NEDD9: variants seen among roughly 807,000 people sequenced by gnomAD.
NEDD9 encodes the protein enhancer of filamentation 1.
NEDD9 carries 26 observed loss-of-function variants against 76.6 expected under a neutral mutation model. The observed-to-expected ratio is 0.34, with a 90% confidence interval of 0.25 to 0.47. The LOEUF (loss-of-function observed/expected upper bound fraction) is 0.47, where lower values mean the gene tolerates loss of function less well. Ranked by LOEUF, NEDD9 falls within the 20% of genes least tolerant of loss-of-function variation. NEDD9 has a pLI of 1.00. For synonymous variants in NEDD9, 392 were observed against 414.2 expected (o/e 0.95, Z 0.65); for missense variants, 937 against 1,058.5 (o/e 0.89, Z 1.59).
chr6:11,376,951 A>G (rs764741116), intron 1 of NEDD9, among the ~76,000 whole-genome samples: 1 of 152,234 alleles, frequency 6.6e-6, no homozygotes, highest in Non-Finnish European at 1.5e-5. Flanking sequence ...GCCTCAGCTC[A>G]AAGGGGCCCA....
At chr6:11,202,069 G>T (rs553575098) in intron 2 of NEDD9, among the ~76,000 whole-genome samples, 150 of 152,284 alleles carry the variant, frequency 9.9e-4, no homozygotes, top group African/African-American at 3.2e-3. Flanking sequence ...AAGTTAAAAA[G>T]TGTCCCCGTG....
At chr6:11,319,530 A>G in intron 2 of NEDD9, among the ~76,000 whole-genome samples, 1 of 140,656 alleles carries the variant, frequency 7.1e-6, no homozygotes, top group Non-Finnish European at 1.6e-5. Flanking sequence ...GCACACTCAC[A>G]CTAACATGCG....
intron 1 of NEDD9, among the ~76,000 whole-genome samples, chr6:11,231,749 C>G (rs891009893): frequency 6.6e-6 from 1 of 152,062 alleles, no homozygotes; most frequent in Non-Finnish European, 1.5e-5. Context: ...GTCAAAAATC[C>G]TTTTGGCAAG....
At chr6:11,305,465 C>A (rs932516583) in intron 3 of NEDD9, 76 of 210,554 alleles carry the variant, frequency 3.6e-4, no homozygotes, top group Non-Finnish European at 6.8e-5. Context: ...CATATCATTT[C>A]TTCTACTGAA....
At chr6:11,203,729 G>T (rs1428820258) in intron 2 of NEDD9, among the ~76,000 whole-genome samples, 3 of 152,142 alleles carry the variant, frequency 2.0e-5, no homozygotes, top group African/African-American at 7.2e-5. Context: ...GGGAACTCTG[G>T]AAGTTTTTTT....
At chr6:11,242,515 C>T (rs1334642444) in intron 3 of NEDD9, among the ~76,000 whole-genome samples, 3 of 151,960 alleles carry the variant, frequency 2.0e-5, no homozygotes, top group Non-Finnish European at 4.4e-5. Flanking sequence ...TGTCTTCCCC[C>T]AGTTTTCATT....
At chr6:11,268,464 G>A (rs1003563345) in intron 3 of NEDD9, among the ~76,000 whole-genome samples, 10 of 151,700 alleles carry the variant, frequency 6.6e-5, no homozygotes, top group Admixed American at 1.3e-4. Flanking sequence ...GCAGTGGCTC[G>A]TGCCTGTAAT....
At chr6:11,196,935 C>T (rs1447925283) in intron 2 of NEDD9, among the ~76,000 whole-genome samples, 5 of 152,118 alleles carry the variant, frequency 3.3e-5, no homozygotes, top group Admixed American at 3.3e-4. Flanking sequence ...TGTGTCCTCT[C>T]CTCGGAGGAA....
At chr6:11,306,618 C>G (rs185179639) in intron 2 of NEDD9, among the ~76,000 whole-genome samples, 1 of 152,180 alleles carries the variant, frequency 6.6e-6, no homozygotes, top group Admixed American at 6.5e-5. Flanking sequence ...TGATTGTTTT[C>G]TACTCTCCCA....
intron 2 of NEDD9, among the ~76,000 whole-genome samples, chr6:11,313,975 C>A (rs1168464293): frequency 2.0e-5 from 3 of 152,166 alleles, no homozygotes; most frequent in Non-Finnish European, 4.4e-5. Flanking sequence ...GAACACACAG[C>A]ACAGATTTTT....
intron 3 of NEDD9, among the ~76,000 whole-genome samples, chr6:11,288,085 G>C (rs1760687617): frequency 6.6e-6 from 1 of 152,158 alleles, no homozygotes; most frequent in Non-Finnish European, 1.5e-5. Context: ...CAATTGTTTG[G>C]TCAGATCACT....
chr6:11,268,491 G>C lies in NEDD9; in HGVS notation c.12+37501C>G, dbSNP rs555843150. Among the ~76,000 whole-genome samples, 5 of 152,146 alleles carry C rather than the reference G, an allele frequency of 3.3e-5. No individual in the cohort carries two copies. In the East Asian group the frequency reaches 9.7e-4, roughly 30 times the overall value. On this transcript the variant is annotated intron_variant, in intron 3 of 3. Transcript: ENST00000397378. Reference sequence around the variant, plus strand: ...GCCTGTAATCCCAGCACTTTGGGAGGCCGAAGCGGGCAGATCACCTGAGGT... The same window carrying C: ...GCCTGTAATCCCAGCACTTTGGGAGCCCGAAGCGGGCAGATCACCTGAGGT...
intron 2 of NEDD9, among the ~76,000 whole-genome samples, chr6:11,209,217 A>G (rs1481422720): frequency 1.3e-5 from 2 of 152,206 alleles, no homozygotes; most frequent in Non-Finnish European, 2.9e-5. Flanking sequence ...TGTGTTTCAT[A>G]TTTTGGAGTC....
chr6:11,375,082 G>A (rs114074928), intron 1 of NEDD9, among the ~76,000 whole-genome samples: 2,664 of 152,246 alleles, frequency 0.017, 33 homozygotes, highest in Middle Eastern at 0.037. Context: ...AAATTTGGTG[G>A]CAATTGTGCC....
chr6:11,338,159 C>G (rs1178120373), intron 1 of NEDD9, among the ~76,000 whole-genome samples: 1 of 152,076 alleles, frequency 6.6e-6, no homozygotes, highest in African/African-American at 2.4e-5. Flanking sequence ...TAGAGCACAC[C>G]CCTAATCCAA....
At chr6:11,205,032 T>C (rs1173939519) in intron 2 of NEDD9, among the ~76,000 whole-genome samples, 3 of 152,224 alleles carry the variant, frequency 2.0e-5, no homozygotes, top group Non-Finnish European at 2.9e-5. Flanking sequence ...CCCAAATTGC[T>C]AATGAGGTGT....
chr6:11,264,855 C>CTGTTTGTT (rs748613420), intron 3 of NEDD9, among the ~76,000 whole-genome samples: 20,230 of 143,568 alleles, frequency 0.14, 1,732 homozygotes, highest in African/African-American at 0.26. Flanking sequence ...TTAAGTTTTT[C>CTGTTTGTT]TGTTTGTTTG....
In NEDD9 at chr6:11,300,893, T is replaced by C. The variant is rs547205095; in HGVS notation, c.12+5099A>G. ...ACTAAGCATGGAAAGGAATAACTGG[T>C]ACTAGCCACTGCAAAAACATGCCAA... is the stretch of plus-strand genomic sequence containing the variant. On this transcript the variant is annotated intron_variant, in intron 3 of 3. Coordinates refer to the NEDD9 transcript ENST00000397378. Among the ~76,000 whole-genome samples the C allele has an allele frequency of 8.9e-4, 136 of 152,290 alleles. No homozygotes were observed. The Middle Eastern group carries it at 0.014, about 15-fold the overall frequency.
chr6:11,342,027 T>C (rs534014396), intron 1 of NEDD9, among the ~76,000 whole-genome samples: 1 of 152,290 alleles, frequency 6.6e-6, no homozygotes, highest in Admixed American at 6.5e-5. Context: ...ATGGAAATTC[T>C]AGAATTGTGC....
Sources: allele counts gnomAD v4.1 joint callset (sites outside exome capture counted in the v4.1 genomes callset), GRCh38; gene constraint gnomAD v4.1.1; transcripts MANE v1.5; gene names NCBI Gene and HGNC (gene_info 2026-07-23, HGNC 2026-07-21).